Variants in OTUD7A observed in about 807,000 individuals in gnomAD.
OTUD7A encodes the protein OTU deubiquitinase 7A.
A neutral mutation model predicts 65.7 loss-of-function variants in OTUD7A; 12 were observed. The observed-to-expected ratio is 0.18, with a 90% CI of 0.12 to 0.30. The LOEUF is 0.30. OTUD7A is among the 10% of genes least tolerant of loss of function. OTUD7A has a pLI of 1.00. For missense variants in OTUD7A, 1,148 were observed against 1,304.8 expected, an observed-to-expected ratio of 0.88 and a Z score of 1.85; for synonymous variants, 641 against 586.3, an observed-to-expected ratio of 1.09 and a Z score of -1.35.
At chr15:31,789,625 A>G (rs1895760535) in intron 1 of OTUD7A, among the ~76,000 whole-genome samples, 1 of 152,140 alleles carries the variant, frequency 6.6e-6, no homozygotes, top group Non-Finnish European at 1.5e-5. Context: ...GGCACATTCA[A>G]TAGAAACATA....
intron 3 of OTUD7A, among the ~76,000 whole-genome samples, chr15:31,631,583 C>A (rs535920865): frequency 6.6e-6 from 1 of 152,142 alleles, no homozygotes; most frequent in Non-Finnish European, 1.5e-5. Context: ...CTGCTCTTCT[C>A]GAGGAGTATC....
intron 3 of OTUD7A, among the ~76,000 whole-genome samples, chr15:31,618,910 C>A (rs1259979846): frequency 2.0e-5 from 3 of 152,126 alleles, no homozygotes; most frequent in Admixed American, 6.5e-5. Context: ...GGTTTTAGGT[C>A]TAATGTTTAA....
intron 3 of OTUD7A, among the ~76,000 whole-genome samples, chr15:31,593,857 AAC>A (rs1889827122): frequency 6.6e-6 from 1 of 152,198 alleles, no homozygotes; most frequent in Admixed American, 6.5e-5. Context: ...ATGTGTAAGC[AAC>A]AGTGTTTCTA....
chr15:31,647,781 T>C (rs1891719863), intron 3 of OTUD7A, among the ~76,000 whole-genome samples: 1 of 152,012 alleles, frequency 6.6e-6, no homozygotes, highest in African/African-American at 2.4e-5. Context: ...GTGCTGGGTG[T>C]TGGGCAAACA....
intron 1 of OTUD7A, among the ~76,000 whole-genome samples, chr15:31,741,614 AAT>A (rs1894346920): frequency 6.6e-6 from 1 of 152,178 alleles, no homozygotes; most frequent in African/African-American, 2.4e-5. Flanking sequence ...TCACAACTGA[AAT>A]AATAAAATAT....
intron 1 of OTUD7A, among the ~76,000 whole-genome samples, chr15:31,762,236 T>G (rs1894984848): frequency 6.6e-6 from 1 of 152,238 alleles, no homozygotes; most frequent in South Asian, 2.1e-4. Context: ...TGGCCACAGC[T>G]TCCAGGCATG....
chr15:31,559,159 G>T lies in OTUD7A; in HGVS notation c.360C>A (p.His120Gln). 4 of 1,613,902 alleles carry T rather than the reference G, an allele frequency of 2.5e-6. No homozygotes were observed. Among genetic ancestry groups the T allele is most frequent in the Non-Finnish European group, 3.4e-6 (4 of 1,179,792 alleles). ...CCAGGGAGACGATGGCTGAGCTGGC[G>T]TGGGAAATCCCCCGGGAAAGCCGCT... ...QEKRLSRGIS[H>Q]ASSAIVSLAR... Residue 120 changes from histidine (H) to glutamine (Q), a missense_variant, in exon 5 of 13, where the codon CAC becomes CAA. Physicochemically the swap from His to Gln is conservative, Grantham distance 24. This residue lies in a region of OTUD7A where 134 missense variants were observed against 252.6 expected (regional missense o/e 0.53). Transcript: ENST00000307050.
At chr15:31,829,555 C>T (rs1896881087) in intron 1 of OTUD7A, among the ~76,000 whole-genome samples, 1 of 152,188 alleles carries the variant, frequency 6.6e-6, no homozygotes, top group African/African-American at 2.4e-5. Context: ...CAACCTTCAC[C>T]ATGTGCAGAT....
intron 1 of OTUD7A, among the ~76,000 whole-genome samples, chr15:31,682,049 C>G (rs1452334627): frequency 6.6e-6 from 1 of 152,112 alleles, no homozygotes; most frequent in Non-Finnish European, 1.5e-5. Context: ...GACATCTCAT[C>G]TGAAAACCAC....
chr15:31,640,916 T>C (rs1266549402), intron 3 of OTUD7A, among the ~76,000 whole-genome samples: 6 of 152,170 alleles, frequency 3.9e-5, no homozygotes, highest in African/African-American at 1.2e-4. Context: ...TTATTAATGA[T>C]AGTCTTCATG....
chr15:31,671,604 A>G (rs897413008), intron 1 of OTUD7A, among the ~76,000 whole-genome samples: 4 of 152,154 alleles, frequency 2.6e-5, no homozygotes, highest in African/African-American at 9.7e-5. Context: ...TAATATGATG[A>G]ATTATATTAA....
At chr15:31,545,340 T>C (rs1888097601) in intron 5 of OTUD7A, among the ~76,000 whole-genome samples, 2 of 152,096 alleles carry the variant, frequency 1.3e-5, no homozygotes, top group Non-Finnish European at 2.9e-5. Context: ...GAGAATATTT[T>C]CAGGACCTTG....
chr15:31,724,601 T>G (rs1241854682), intron 1 of OTUD7A, among the ~76,000 whole-genome samples: 1 of 152,162 alleles, frequency 6.6e-6, no homozygotes, highest in African/African-American at 2.4e-5. Flanking sequence ...ACTGGGATTG[T>G]TTCTGCTACT....
At chr15:31,566,245 C>T (rs1472776619) in intron 4 of OTUD7A, among the ~76,000 whole-genome samples, 19 of 149,732 alleles carry the variant, frequency 1.3e-4, no homozygotes, top group Admixed American at 2.7e-4. Context: ...GTCCAAGAAA[C>T]CTTCCAAAGT....
chr15:31,483,574 A>G lies in OTUD7A; in HGVS notation c.2522T>C (p.Leu841Pro). The G allele has an allele frequency of 1.6e-6, 2 of 1,282,002 alleles. No individual in the cohort carries two copies. The highest frequency in any genetic ancestry group is 3.9e-5 in the Admixed American group (1 of 25,590). 79.4% of individuals were successfully genotyped at this position (1,282,002 alleles called of 1,614,324 possible). The change falls in exon 13 of 13, where the codon CTA (leucine) becomes CCA (proline). Residue 841 changes from leucine (L) to proline (P), a missense_variant. Leu to Pro is a moderately conservative substitution (Grantham distance 98, BLOSUM62 -3). Coordinates refer to ENST00000307050, the MANE Select transcript of OTUD7A (RefSeq NM_001382637.1). ...CCCCGCCGTCCCCGCCGCGCCCGGT[A>G]GGGCCCCGGGCACCGCGCGCGCCAG... ...ESLARAVPGA[L>P]PGAAGTAGAA...
At chr15:31,533,091 A>C (rs1018381218) in intron 5 of OTUD7A, among the ~76,000 whole-genome samples, 3 of 152,028 alleles carry the variant, frequency 2.0e-5, no homozygotes, top group African/African-American at 7.3e-5. Flanking sequence ...AAAATACATC[A>C]TAGTCAAACT....
At chr15:31,777,828 C>T (rs1171170316) in intron 1 of OTUD7A, among the ~76,000 whole-genome samples, 2 of 152,204 alleles carry the variant, frequency 1.3e-5, no homozygotes, top group African/African-American at 2.4e-5. Flanking sequence ...AGGCTGAAGG[C>T]AGAGCCTGGC....
intron 1 of OTUD7A, among the ~76,000 whole-genome samples, chr15:31,677,794 T>C (rs1337650923): frequency 2.0e-5 from 3 of 152,154 alleles, no homozygotes; most frequent in Non-Finnish European, 4.4e-5. Context: ...ATAGAGTAAA[T>C]TGGTATCACA....
chr15:31,851,046 T>G (rs999088230), intron 1 of OTUD7A, among the ~76,000 whole-genome samples: 6 of 152,320 alleles, frequency 3.9e-5, no homozygotes, highest in African/African-American at 1.4e-4. Flanking sequence ...TAAAGGTTGA[T>G]TCAAGCATTT....
Sources: allele counts gnomAD v4.1 joint callset (sites outside exome capture counted in the v4.1 genomes callset), GRCh38; gene constraint gnomAD v4.1.1; regional missense constraint gnomAD v4.1.1; transcripts MANE v1.5; gene names NCBI Gene and HGNC (gene_info 2026-07-23, HGNC 2026-07-21).